Variants in SLCO1A2 observed in about 807,000 individuals in gnomAD.
SLCO1A2 encodes solute carrier organic anion transporter family member 1A2, also known as OATP-1.
SLCO1A2 carries 67 observed loss-of-function variants against 69.0 expected under a neutral mutation model. The observed-to-expected ratio is 0.97, with a 90% CI of 0.80 to 1.19. The LOEUF is 1.19. SLCO1A2 is among the 50% of genes most tolerant of loss of function. SLCO1A2 has a pLI of 0.00. For synonymous variants in SLCO1A2, 260 were observed against 265.9 expected (o/e 0.98, Z 0.22); for missense variants, 787 against 793.7 (o/e 0.99, Z 0.10).
In SLCO1A2 at chr12:21,295,337, CA is replaced by C. The variant is rs539241763; in HGVS notation, c.1271+259del. ...TAGGATAATGTCTACTCGGATATCA[CA>C]AAGACAATCATGCACACACACCCAC... On this transcript the variant is annotated intron_variant, in intron 10 of 14. Coordinates refer to ENST00000683939, the MANE Select transcript of SLCO1A2 (RefSeq NM_001386879.1). 157 of 291,534 alleles carry C rather than the reference CA, an allele frequency of 5.4e-4. 3 individuals carry two copies. In the South Asian group the frequency reaches 9.1e-3, roughly 17 times the overall value. The allele number at this position is 291,534 out of a possible 1,614,324, so 18.1% of individuals were successfully genotyped here.
At chr12:21,365,456 C>G (rs950609484) in intron 2 of SLCO1A2, among the ~76,000 whole-genome samples, 34 of 152,242 alleles carry the variant, frequency 2.2e-4, no homozygotes, top group Admixed American at 2.1e-3. Context: ...AGAAGAAAAC[C>G]TAGGCCATAC....
chr12:21,326,477 C>G (rs943031240), intron 2 of SLCO1A2, among the ~76,000 whole-genome samples: 1 of 152,068 alleles, frequency 6.6e-6, no homozygotes, highest in Non-Finnish European at 1.5e-5. Flanking sequence ...GCTCGGAAGA[C>G]AGGAAGATGT....
chr12:21,290,018 T>TGG (rs1946592741), intron 12 of SLCO1A2, among the ~76,000 whole-genome samples: 1 of 151,998 alleles, frequency 6.6e-6, no homozygotes, highest in South Asian at 2.1e-4. Flanking sequence ...AGTGTGTGTG[T>TGG]GTGTATGTAT....
Position 21,334,619 on chromosome 12 carries a change from G to T in SLCO1A2, c.29C>A (p.Thr10Asn). Residue 10 changes from threonine (T) to asparagine (N), a missense_variant, in exon 2 of 15, where the codon ACC (threonine) becomes AAC (asparagine). Physicochemically the swap from Thr to Asn is moderately conservative, Grantham distance 65 (BLOSUM62 0). Coordinates refer to ENST00000683939, the MANE Select transcript of SLCO1A2 (RefSeq NM_001386879.1). Reference sequence around the variant, plus strand: ...CTTGGAAAGACATCTTATTCTATGGGTTTCAATTCTTTTCTCAGTTTCTCC... The same window carrying T: ...CTTGGAAAGACATCTTATTCTATGGTTTTCAATTCTTTTCTCAGTTTCTCC... MGETEKRIE[T>N]HRIRCLSKLK... 6.2e-7 allele frequency: 1 copy of T among 1,610,090 alleles called. No individual in the cohort carries two copies. The highest frequency in any genetic ancestry group is 8.5e-7 in the Non-Finnish European group (1 of 1,177,746).
At chr12:21,296,470 T>C (rs1372701459) in intron 9 of SLCO1A2, among the ~76,000 whole-genome samples, 1 of 152,194 alleles carries the variant, frequency 6.6e-6, no homozygotes, top group African/African-American at 2.4e-5. Flanking sequence ...CTTGAACTCC[T>C]GGCCTCAAGT....
At position 21,306,867 on chromosome 12, in the gene SLCO1A2, A is replaced by C. The variant is rs1949473338; in HGVS notation, c.442+15T>G. On this transcript the variant is annotated intron_variant, in intron 5 of 14. Coordinates refer to ENST00000683939, the MANE Select transcript of SLCO1A2 (RefSeq NM_001386879.1). The stretch of plus-strand genomic sequence containing the variant: ...AAGTTCGCTGAACAAAAATCAATAC[A>C]ATGAAGTAGACAACCTGATGGATCC... 6.3e-7 allele frequency: 1 copy of C among 1,586,724 alleles called. No individual in the cohort carries two copies. Among genetic ancestry groups the C allele is most frequent in the Non-Finnish European group, 8.7e-7 (1 of 1,155,650 alleles).
upstream of SLCO1A2, among the ~76,000 whole-genome samples, chr12:21,336,094 G>A (rs1026473862): frequency 1.3e-5 from 2 of 151,982 alleles, no homozygotes; most frequent in Non-Finnish European, 1.5e-5. Flanking sequence ...GTTCTGAACT[G>A]CCCTCATTTC....
intron 1 of SLCO1A2, among the ~76,000 whole-genome samples, chr12:21,409,602 CCAGTTTGTGG>C (rs1465793769): frequency 1.3e-5 from 2 of 152,034 alleles, no homozygotes; most frequent in African/African-American, 4.8e-5. Flanking sequence ...GCAGTAGTGG[CCAGTTTGTGG>C]TAGTGACTGC....
chr12:21,334,481 G>A (rs1565505220), intron 2 of SLCO1A2, 107 bp downstream of exon 2: 2 of 747,512 alleles, frequency 2.7e-6, no homozygotes, highest in Non-Finnish European at 2.2e-6. Flanking sequence ...AGGCAATATG[G>A]CATTAATATT....
At chr12:21,320,574 C>G (rs539142256) in intron 2 of SLCO1A2, among the ~76,000 whole-genome samples, 1 of 152,154 alleles carries the variant, frequency 6.6e-6, no homozygotes, top group Non-Finnish European at 1.5e-5. Context: ...TCTTGGCTCA[C>G]TGCAACCTCC....
At chr12:21,307,867 A>G (rs1382071885) in intron 4 of SLCO1A2, among the ~76,000 whole-genome samples, 2 of 152,164 alleles carry the variant, frequency 1.3e-5, no homozygotes, top group Non-Finnish European at 1.5e-5. Context: ...GATATAATAA[A>G]AAGGCTCAAA....
chr12:21,295,584 G>C lies in SLCO1A2; in HGVS notation c.1271+13C>G, dbSNP rs1353969614. On this transcript the variant is annotated intron_variant, in intron 10 of 14. Coordinates refer to ENST00000683939, the MANE Select transcript of SLCO1A2 (RefSeq NM_001386879.1). ...TGTTGAAAGATTCTCACATTCATTA[G>C]AAAACAACATACCCTTCATAAGAGG... 2 of 1,497,266 alleles carry C rather than the reference G, an allele frequency of 1.3e-6. No homozygotes were observed. Among genetic ancestry groups the C allele is most frequent in the African/African-American group, 2.8e-5 (2 of 71,532 alleles). 92.7% of individuals were successfully genotyped at this position (1,497,266 alleles called of 1,614,324 possible). A position where few individuals can be genotyped will look rare whatever the true frequency, so the allele number is the denominator to read the frequency against.
intron 13 of SLCO1A2, chr12:21,274,840 T>C (rs1943511781): frequency 2.5e-6 from 2 of 816,158 alleles, no homozygotes; most frequent in African/African-American, 1.8e-5. Context: ...TTCTGAACTT[T>C]ATATATTTTC....
intron 2 of SLCO1A2, among the ~76,000 whole-genome samples, chr12:21,364,024 G>A (rs963210927): frequency 1.3e-4 from 20 of 152,098 alleles, no homozygotes; most frequent in African/African-American, 4.6e-4. Context: ...AGAAAAAGAG[G>A]GAATCCTCCC....
chr12:21,278,400 G>A (rs1944254941), intron 12 of SLCO1A2, among the ~76,000 whole-genome samples: 1 of 151,946 alleles, frequency 6.6e-6, no homozygotes, highest in African/African-American at 2.4e-5. Flanking sequence ...AAACATAGGT[G>A]GCAGCCAGGT....
At chr12:21,326,199 T>G (rs146220815) in intron 2 of SLCO1A2, among the ~76,000 whole-genome samples, 1,543 of 152,312 alleles carry the variant, frequency 0.01, 22 homozygotes, top group African/African-American at 0.034. Flanking sequence ...CCATCATGAC[T>G]GTGAGGCTTC....
intron 2 of SLCO1A2, among the ~76,000 whole-genome samples, chr12:21,361,913 G>T (rs549037774): frequency 9.2e-5 from 14 of 152,238 alleles, no homozygotes; most frequent in Middle Eastern, 6.8e-3. Context: ...CCAAATCTAC[G>T]TCTGATTGGT....
intron 2 of SLCO1A2, among the ~76,000 whole-genome samples, chr12:21,365,048 T>G (rs893960738): frequency 3.3e-5 from 5 of 152,124 alleles, no homozygotes; most frequent in African/African-American, 1.2e-4. Context: ...AAAAACTACT[T>G]TAAAGTTCAT....
At chr12:21,314,420 T>G in intron 4 of SLCO1A2, 129 bp downstream of exon 4, 1 of 946,388 alleles carries the variant, frequency 1.1e-6, no homozygotes, top group Non-Finnish European at 1.6e-6. Context: ...TGGAACAGAA[T>G]GTGCATCTTC....
Sources: allele counts gnomAD v4.1 joint callset (sites outside exome capture counted in the v4.1 genomes callset), GRCh38; gene constraint gnomAD v4.1.1; transcripts MANE v1.5; gene names NCBI Gene and HGNC (gene_info 2026-07-23, HGNC 2026-07-21).